MSRA: variants seen among roughly 807,000 people sequenced by gnomAD.
The protein encoded by MSRA is mitochondrial peptide methionine sulfoxide reductase.
MSRA carries 54 observed loss-of-function variants against 31.3 expected under a neutral mutation model. That is an observed-to-expected ratio of 1.73 (90% confidence interval 1.39 to 2.17). The LOEUF (loss-of-function observed/expected upper bound fraction) is 2.17. Among genes scored for constraint, MSRA ranks in the 30% most tolerant of loss-of-function variants. The pLI is 0.00. For missense variants in MSRA, 507 were observed against 300.9 expected (o/e 1.69, Z -5.07); for synonymous variants, 169 against 116.5 (o/e 1.45, Z -2.90).
chr8:10,390,633 C>T (rs1806682476), intron 5 of MSRA, among the ~76,000 whole-genome samples: 1 of 152,150 alleles, frequency 6.6e-6, no homozygotes, highest in African/African-American at 2.4e-5. Context: ...GAGTAAAAAT[C>T]ACAGCAGTAA....
intron 5 of MSRA, among the ~76,000 whole-genome samples, chr8:10,418,939 C>T (rs1304441895): frequency 6.7e-6 from 1 of 149,574 alleles, no homozygotes; most frequent in Non-Finnish European, 1.5e-5. Flanking sequence ...GCCTGGGTGA[C>T]AGAGTGAGAC....
At chr8:10,299,428 A>C (rs1800723613) in intron 3 of MSRA, among the ~76,000 whole-genome samples, 1 of 152,188 alleles carries the variant, frequency 6.6e-6, no homozygotes, top group African/African-American at 2.4e-5. Context: ...ACATTATTAT[A>C]CCTACTGTAT....
chr8:10,071,949 T>A (rs190019611), intron 1 of MSRA, among the ~76,000 whole-genome samples: 1 of 152,112 alleles, frequency 6.6e-6, no homozygotes, highest in Admixed American at 6.6e-5. Flanking sequence ...GTTTCAGTAG[T>A]GCGTATGGGT....
chr8:10,329,028 T>G (rs1384511211), intron 5 of MSRA, among the ~76,000 whole-genome samples: 1 of 152,222 alleles, frequency 6.6e-6, no homozygotes, highest in African/African-American at 2.4e-5. Flanking sequence ...GCAAACTCTC[T>G]TGACACCGAA....
chr8:10,238,761 C>T (rs1037589940), intron 2 of MSRA, among the ~76,000 whole-genome samples: 2 of 152,072 alleles, frequency 1.3e-5, no homozygotes, highest in African/African-American at 4.8e-5. Context: ...AAAATTATTT[C>T]CATATGGTCT....
intron 5 of MSRA, among the ~76,000 whole-genome samples, chr8:10,367,504 C>T (rs559624217): frequency 1.2e-4 from 18 of 152,146 alleles, no homozygotes; most frequent in Non-Finnish European, 2.2e-4. Context: ...TCCGTATTAG[C>T]AGGTTATGGA....
intron 4 of MSRA, among the ~76,000 whole-genome samples, chr8:10,316,524 ATCCCTCTCTCTCTCTC>A (rs1311558102): frequency 1.1e-4 from 7 of 65,404 alleles, no homozygotes; most frequent in African/African-American, 3.2e-4. Flanking sequence ...TACTTTGATG[ATCCCTCTCTCTCTCTC>A]TCTCTCTCTC....
intron 1 of MSRA, among the ~76,000 whole-genome samples, chr8:10,140,759 A>G (rs1031668004): frequency 6.6e-6 from 1 of 152,226 alleles, no homozygotes; most frequent in African/African-American, 2.4e-5. Context: ...TTAAGAGAGA[A>G]GTACGTTCTA....
intron 5 of MSRA, among the ~76,000 whole-genome samples, chr8:10,405,302 C>T (rs1191297673): frequency 2.0e-5 from 3 of 152,244 alleles, no homozygotes; most frequent in East Asian, 1.9e-4. Flanking sequence ...GGCCACCCAT[C>T]GCCCTGCCGG....
At chr8:10,226,880 G>C (rs926070791) in intron 2 of MSRA, among the ~76,000 whole-genome samples, 5 of 152,116 alleles carry the variant, frequency 3.3e-5, no homozygotes, top group African/African-American at 1.2e-4. Flanking sequence ...TGATTCTTCT[G>C]GACCGTGGTG....
chr8:10,066,317 G>T (rs1387471341), intron 1 of MSRA, among the ~76,000 whole-genome samples: 1 of 152,110 alleles, frequency 6.6e-6, no homozygotes. Flanking sequence ...AGTTTGATCT[G>T]TACATTTTGA....
chr8:10,087,925 G>C (rs915446361), intron 1 of MSRA, among the ~76,000 whole-genome samples: 1 of 152,222 alleles, frequency 6.6e-6, no homozygotes, highest in South Asian at 2.1e-4. Flanking sequence ...GAAGAATTAG[G>C]TAGGTGCAAA....
rs970434232 is a variant in MSRA, at chr8:10,322,461, T to C, written c.543+2472T>C. 5.3e-5 allele frequency among the ~76,000 whole-genome samples: 8 copies of C among 152,254 alleles called. No homozygotes were observed. In the East Asian group the frequency reaches 1.4e-3, roughly 26 times the overall value. On this transcript the variant is annotated intron_variant, in intron 5 of 5. Coordinates refer to ENST00000317173, the MANE Select transcript of MSRA (RefSeq NM_012331.5). ...GTGGAGAGTCAATAAGAGGGACAGG[T>C]CCAGGTCCAGGTCATGGCTGGTGAT...
At chr8:10,294,141 C>T (rs541786326) in intron 3 of MSRA, among the ~76,000 whole-genome samples, 1 of 152,224 alleles carries the variant, frequency 6.6e-6, no homozygotes, top group Admixed American at 6.5e-5. Flanking sequence ...GTGGAGGTTC[C>T]AGTGAACCGA....
chr8:10,193,753 G>A (rs1165156614), intron 1 of MSRA, among the ~76,000 whole-genome samples: 1 of 152,060 alleles, frequency 6.6e-6, no homozygotes, highest in Non-Finnish European at 1.5e-5. Flanking sequence ...ATATGCGCTG[G>A]GTTATCCAAC....
intron 1 of MSRA, among the ~76,000 whole-genome samples, chr8:10,142,353 C>CT (rs1194069056): frequency 5.6e-4 from 86 of 152,256 alleles, no homozygotes; most frequent in African/African-American, 2.0e-3. Flanking sequence ...AAACCAAGAC[C>CT]CAGAGGACTG....
chr8:10,150,333 C>A (rs1395228499), intron 1 of MSRA, among the ~76,000 whole-genome samples: 1 of 152,150 alleles, frequency 6.6e-6, no homozygotes, highest in Non-Finnish European at 1.5e-5. Context: ...GAAAATCAGT[C>A]TGTCATATTT....
intron 1 of MSRA, among the ~76,000 whole-genome samples, chr8:10,138,422 G>A (rs1802453794): frequency 6.6e-6 from 1 of 152,204 alleles, no homozygotes; most frequent in African/African-American, 2.4e-5. Context: ...CAACTTCGAT[G>A]TTGAGCATTC....
At chr8:10,374,111 C>G (rs1042516102) in intron 5 of MSRA, among the ~76,000 whole-genome samples, 1 of 152,214 alleles carries the variant, frequency 6.6e-6, no homozygotes, top group African/African-American at 2.4e-5. Context: ...GTCAAGCCGC[C>G]TTATGTTCAG....
Sources: allele counts gnomAD v4.1 joint callset (sites outside exome capture counted in the v4.1 genomes callset), GRCh38; gene constraint gnomAD v4.1.1; transcripts MANE v1.5; gene names NCBI Gene and HGNC (gene_info 2026-07-23, HGNC 2026-07-21).